MAML3: variants seen among roughly 807,000 people sequenced by gnomAD.
MAML3 encodes mastermind-like protein 3.
MAML3 carries 27 observed loss-of-function variants against 101.9 expected under a neutral mutation model. That is an observed-to-expected ratio of 0.27 (90% confidence interval 0.20 to 0.37). MAML3 has a LOEUF of 0.37. MAML3 is among the 10% of genes least tolerant of loss of function. The probability of loss-of-function intolerance (pLI) is 1.00; values close to 1 mark genes in which losing one functional copy is unlikely to be tolerated. For missense variants in MAML3, 1,316 were observed against 1,444.9 expected, an observed-to-expected ratio of 0.91 and a Z score of 1.45; for synonymous variants, 501 against 555.9, an observed-to-expected ratio of 0.90 and a Z score of 1.39.
intron 1 of MAML3, among the ~76,000 whole-genome samples, chr4:140,152,423 G>C (rs1729189688): frequency 6.6e-6 from 1 of 152,164 alleles, no homozygotes; most frequent in Admixed American, 6.5e-5. Context: ...TGCTGAGAGG[G>C]GTGGGCGTAG....
At chr4:139,769,894 C>T (rs1241524336) in intron 2 of MAML3, among the ~76,000 whole-genome samples, 8 of 148,760 alleles carry the variant, frequency 5.4e-5, no homozygotes, top group South Asian at 2.1e-4. Flanking sequence ...GGATTACAGG[C>T]GTGAGCCATC....
intron 2 of MAML3, among the ~76,000 whole-genome samples, chr4:139,873,081 C>A (rs1732046319): frequency 6.6e-6 from 1 of 151,154 alleles, no homozygotes; most frequent in Admixed American, 6.6e-5. Flanking sequence ...GACTCCATCT[C>A]AAAAAATAAA....
intron 2 of MAML3, among the ~76,000 whole-genome samples, chr4:139,800,687 C>T (rs1730589356): frequency 6.6e-6 from 1 of 152,124 alleles, no homozygotes; most frequent in African/African-American, 2.4e-5. Context: ...CATTTGAAAA[C>T]TCAAAGTCAG....
intron 2 of MAML3, among the ~76,000 whole-genome samples, chr4:139,872,995 T>C (rs1022409290): frequency 1.3e-5 from 2 of 151,990 alleles, no homozygotes; most frequent in Admixed American, 1.3e-4. Flanking sequence ...GCAGGAAGAA[T>C]TGCTTGAACC....
At chr4:140,076,953 A>T (rs1362396415) in intron 1 of MAML3, among the ~76,000 whole-genome samples, 1 of 152,044 alleles carries the variant, frequency 6.6e-6, no homozygotes, top group African/African-American at 2.4e-5. Context: ...GCAGTGGCGC[A>T]ATCTCGGCTC....
At chr4:139,897,814 C>T (rs1165140399) in intron 1 of MAML3, among the ~76,000 whole-genome samples, 1 of 152,182 alleles carries the variant, frequency 6.6e-6, no homozygotes, top group Non-Finnish European at 1.5e-5. Context: ...ACTGGATCCT[C>T]ATCCCAGCTA....
intron 1 of MAML3, among the ~76,000 whole-genome samples, chr4:140,026,666 C>T (rs2110885131): frequency 1.3e-5 from 2 of 152,322 alleles, no homozygotes; most frequent in Middle Eastern, 6.8e-3. Flanking sequence ...TCCCCCTACA[C>T]AAAGACAGCC....
At chr4:139,925,937 G>A (rs1379088257) in intron 1 of MAML3, among the ~76,000 whole-genome samples, 1 of 152,124 alleles carries the variant, frequency 6.6e-6, no homozygotes. Flanking sequence ...GAAGAAAGAG[G>A]AGGACGGAGA....
In MAML3 at chr4:139,967,341, G is replaced by A. The variant is rs1325118629; in HGVS notation, c.469-76374C>T. 3.9e-5 allele frequency among the ~76,000 whole-genome samples: 6 copies of A among 152,060 alleles called. No homozygotes were observed. The East Asian group carries it at 1.2e-3, about 29-fold the overall frequency. On this transcript the variant is annotated intron_variant, in intron 1 of 4. Transcript: ENST00000509479. The stretch of plus-strand genomic sequence containing the variant: ...CCTGTGGGTAGCATGTGGGAAACAG[G>A]GGAAGGAAAAGGGATTGAGAATCAA...
intron 1 of MAML3, 46 bp downstream of exon 1, chr4:140,152,814 A>AC: frequency 6.6e-7 from 1 of 1,524,660 alleles, no homozygotes; most frequent in Non-Finnish European, 8.9e-7. Context: ...CACCACCACC[A>AC]CCACCCCCAA....
chr4:139,819,015 G>C (rs1448653153), intron 2 of MAML3, among the ~76,000 whole-genome samples: 1 of 152,114 alleles, frequency 6.6e-6, no homozygotes, highest in Non-Finnish European at 1.5e-5. Context: ...GGCATCAGAG[G>C]CGCACGCAAA....
intron 2 of MAML3, among the ~76,000 whole-genome samples, chr4:139,750,016 A>T (rs559248075): frequency 3.9e-5 from 6 of 152,276 alleles, no homozygotes; most frequent in African/African-American, 1.4e-4. Context: ...CACTAGAGTG[A>T]CAGTGAATTT....
intron 1 of MAML3, among the ~76,000 whole-genome samples, chr4:140,003,255 A>G (rs1726361530): frequency 6.6e-6 from 1 of 152,198 alleles, no homozygotes; most frequent in African/African-American, 2.4e-5. Flanking sequence ...TGGAAGTGAC[A>G]GCAGCATTGC....
chr4:139,855,247 G>A (rs1030903860), intron 2 of MAML3, among the ~76,000 whole-genome samples: 1 of 152,206 alleles, frequency 6.6e-6, no homozygotes, highest in African/African-American at 2.4e-5. Context: ...ACGTGCTGGT[G>A]TATAATAAAT....
At chr4:139,759,596 G>A (rs1012282395) in intron 2 of MAML3, among the ~76,000 whole-genome samples, 3 of 151,316 alleles carry the variant, frequency 2.0e-5, no homozygotes, top group Admixed American at 6.6e-5. Flanking sequence ...GTTATTAAAA[G>A]AACTGCAGAT....
At chr4:140,119,605 C>CCTCCCTTCCTT in intron 1 of MAML3, among the ~76,000 whole-genome samples, 1 of 108,536 alleles carries the variant, frequency 9.2e-6, no homozygotes, top group Non-Finnish European at 1.8e-5. Context: ...CTCCCTCCCT[C>CCTCCCTTCCTT]CCTCCCTTCC....
At chr4:139,775,128 C>T (rs1004871018) in intron 2 of MAML3, among the ~76,000 whole-genome samples, 2 of 152,138 alleles carry the variant, frequency 1.3e-5, no homozygotes, top group South Asian at 2.1e-4. Flanking sequence ...GTATATGATT[C>T]TCTGGGTTTT....
At chr4:139,780,623 CTTTTTTTT>C (rs35929438) in intron 2 of MAML3, among the ~76,000 whole-genome samples, 2 of 136,960 alleles carry the variant, frequency 1.5e-5, no homozygotes, top group Non-Finnish European at 3.2e-5. Context: ...TCTTTCTTTT[CTTTTTTTT>C]TTTTTTTTTT....
intron 1 of MAML3, among the ~76,000 whole-genome samples, chr4:139,967,958 G>GTC (rs1245914259): frequency 8.2e-6 from 1 of 122,202 alleles, no homozygotes; most frequent in African/African-American, 3.0e-5. Flanking sequence ...GTGAGACCCT[G>GTC]TCTCAAAAAA....
Sources: gnomAD v4.1 joint callset for allele counts (sites outside exome capture counted in the v4.1 genomes callset) on GRCh38, gnomAD v4.1.1 for gene constraint, MANE v1.5 for transcripts, NCBI Gene and HGNC (gene_info 2026-07-23, HGNC 2026-07-21) for gene names.